TBC1D5: variants seen among roughly 807,000 people sequenced by gnomAD.
TBC1D5 encodes TBC1 domain family member 5.
In TBC1D5, 75 loss-of-function variants were observed where a neutral mutation model predicts 100.3. The ratio of observed to expected loss-of-function variants is 0.75; its 90% CI spans 0.62 to 0.91. TBC1D5 has a LOEUF of 0.91. Among genes scored for constraint, TBC1D5 ranks in the 40% least tolerant of loss-of-function variants. The pLI, the probability that TBC1D5 is intolerant of heterozygous loss-of-function variation, is 0.00. For synonymous variants in TBC1D5, 323 were observed against 325.6 expected (o/e 0.99, Z 0.09); for missense variants, 910 against 942.4 (o/e 0.97, Z 0.45).
chr3:17,175,430 A>G (rs1344728407), intron 19 of TBC1D5, among the ~76,000 whole-genome samples: 1 of 152,218 alleles, frequency 6.6e-6, no homozygotes, highest in African/African-American at 2.4e-5. Context: ...AGTAACATGG[A>G]AGCATGACAC....
At position 17,302,343 on chromosome 3, in the gene TBC1D5, C is replaced by T. The variant is rs570943345; in HGVS notation, c.1138+5649G>A. Among the ~76,000 whole-genome samples the T allele has an allele frequency of 6.6e-5, 10 of 152,246 alleles. No individual in the cohort carries two copies. The South Asian group carries it at 1.9e-3, about 28-fold the overall frequency. ...TGCATGTCTCTTGCCAAATTTCCTTCTTCTTATGAGGACACCAGTCATATT... is the reference window on the plus strand; with the variant it reads ...TGCATGTCTCTTGCCAAATTTCCTTTTTCTTATGAGGACACCAGTCATATT... On this transcript the variant is annotated intron_variant, in intron 14 of 21. Coordinates refer to ENST00000253692, the Ensembl canonical transcript of TBC1D5.
In TBC1D5 at chr3:17,437,860, T is replaced by C. The variant is rs1038383608; in HGVS notation, c.98-9341A>G. ...GCTTCTACTGTACTAAAAGTGACTA[T>C]CTTATTATAGAAGGCAATTTAATTT... On this transcript the variant is annotated intron_variant, in intron 3 of 21. Coordinates refer to ENST00000253692, the Ensembl canonical transcript of TBC1D5. Among the ~76,000 whole-genome samples the C allele has an allele frequency of 1.6e-4, 24 of 152,324 alleles. 1 individual carries two copies. Among genetic ancestry groups the C allele is most frequent in the African/African-American group, 4.6e-4 (19 of 41,576 alleles).
chr3:17,371,198 T>C (rs9868647), intron 13 of TBC1D5, among the ~76,000 whole-genome samples: 117,968 of 151,978 alleles, frequency 0.78, 46,681 homozygotes, highest in African/African-American at 0.94. Context: ...CATTATGGTC[T>C]CTGAGAGGCA....
At chr3:17,337,914 T>C (rs2088199430) in intron 13 of TBC1D5, among the ~76,000 whole-genome samples, 1 of 152,192 alleles carries the variant, frequency 6.6e-6, no homozygotes, top group Non-Finnish European at 1.5e-5. Context: ...AGTGAATAAA[T>C]AATTATCAAT....
chr3:17,210,337 G>A (rs1265902117), intron 18 of TBC1D5, among the ~76,000 whole-genome samples: 1 of 151,834 alleles, frequency 6.6e-6, no homozygotes, highest in South Asian at 2.1e-4. Flanking sequence ...ACAGGCACCC[G>A]CCACCATGCC....
intron 13 of TBC1D5, among the ~76,000 whole-genome samples, chr3:17,341,350 C>T (rs964706803): frequency 2.6e-5 from 4 of 152,138 alleles, no homozygotes; most frequent in African/African-American, 7.2e-5. Context: ...GCGGCCGCCA[C>T]CACGCCCGGC....
intron 2 of TBC1D5, among the ~76,000 whole-genome samples, chr3:17,554,409 G>A (rs1332877593): frequency 6.6e-6 from 1 of 152,164 alleles, no homozygotes; most frequent in African/African-American, 2.4e-5. Context: ...AGCTCTCCTG[G>A]GGTGAAGCTG....
At chr3:17,211,982 C>A (rs1053256928) in intron 18 of TBC1D5, among the ~76,000 whole-genome samples, 1 of 152,116 alleles carries the variant, frequency 6.6e-6, no homozygotes, top group Non-Finnish European at 1.5e-5. Context: ...GGTTAAAACG[C>A]CAGAAGCTGA....
intron 3 of TBC1D5, among the ~76,000 whole-genome samples, chr3:17,484,457 T>G (rs757120230): frequency 2.3e-4 from 12 of 53,220 alleles, no homozygotes; most frequent in East Asian, 6.2e-4. Flanking sequence ...AACACCAGGG[T>G]GTGTGTGTGT....
intron 8 of TBC1D5, among the ~76,000 whole-genome samples, chr3:17,388,883 G>T (rs970267403): frequency 3.3e-5 from 5 of 150,912 alleles, no homozygotes; most frequent in Non-Finnish European, 5.9e-5. Context: ...AACAAACAAA[G>T]AAACAAAAAA....
intron 13 of TBC1D5, among the ~76,000 whole-genome samples, chr3:17,317,811 C>G (rs1023372250): frequency 6.6e-6 from 1 of 152,020 alleles, no homozygotes; most frequent in Admixed American, 6.6e-5. Context: ...TTGTGGAAGT[C>G]GGTGTGGCGA....
chr3:17,177,952 G>A (rs1188227663), intron 19 of TBC1D5, among the ~76,000 whole-genome samples: 1 of 152,032 alleles, frequency 6.6e-6, no homozygotes, highest in Non-Finnish European at 1.5e-5. Context: ...CCTCAAATAA[G>A]AGAGAACATG....
In TBC1D5 at chr3:17,308,170, A is replaced by T. The variant is rs535113487; in HGVS notation, c.996-36T>A. On this transcript the variant is annotated intron_variant, in intron 13 of 21. Transcript: ENST00000253692. ...ACAAAACAAAAATTCAGAAGACAGT[A>T]CTTTTGAGAATAAAGAGTGATCATT... The T allele has an allele frequency of 2.6e-6, 4 of 1,548,226 alleles. No individual in the cohort carries two copies. The South Asian group carries it at 5.0e-5, about 19-fold the overall frequency.
At chr3:17,691,457 A>AT (rs2071146253) in intron 1 of TBC1D5, among the ~76,000 whole-genome samples, 1 of 152,230 alleles carries the variant, frequency 6.6e-6, no homozygotes, top group South Asian at 2.1e-4. Context: ...AATAAATTCC[A>AT]TATTTAAAGC....
At chr3:17,664,391 C>T (rs2067001423) in intron 1 of TBC1D5, among the ~76,000 whole-genome samples, 2 of 152,054 alleles carry the variant, frequency 1.3e-5, no homozygotes, top group South Asian at 4.1e-4. Flanking sequence ...TTTAGAGATA[C>T]CTAATATAAT....
At chr3:17,416,787 G>C (rs1575796272) in intron 4 of TBC1D5, among the ~76,000 whole-genome samples, 1 of 152,158 alleles carries the variant, frequency 6.6e-6, no homozygotes, top group East Asian at 1.9e-4. Flanking sequence ...ACACATACCT[G>C]AAAGTTAGAA....
intron 13 of TBC1D5, among the ~76,000 whole-genome samples, chr3:17,348,622 C>T (rs1157147059): frequency 1.3e-5 from 2 of 152,066 alleles, no homozygotes; most frequent in Non-Finnish European, 2.9e-5. Context: ...GACTCAATTT[C>T]ATTCATGGGG....
At chr3:17,554,669 T>C (rs2096500973) in intron 2 of TBC1D5, among the ~76,000 whole-genome samples, 2 of 152,162 alleles carry the variant, frequency 1.3e-5, no homozygotes. Flanking sequence ...GGGTACTGAG[T>C]AAAAACTTTA....
rs756581316 is a variant in TBC1D5 at position 17,508,556 on chromosome 3, T to C, written c.15A>G (p.Leu5=). ...GCTGCAGAGGATGTCTAGTTTCAGA[T>C]AAGGAATGATACATTGTGGGAACTG... Residue 5 remains leucine (L), a synonymous_variant, in exon 3 of 22, where the codon TTA becomes TTG. Coordinates refer to ENST00000253692, the Ensembl canonical transcript of TBC1D5. 3.3e-4 allele frequency: 532 copies of C among 1,613,268 alleles called. 3 individuals carry two copies. In the Admixed American group the frequency reaches 8.8e-3, roughly 27 times the overall value.
Sources: gnomAD v4.1 joint callset for allele counts (sites outside exome capture counted in the v4.1 genomes callset) on GRCh38, gnomAD v4.1.1 for gene constraint, MANE v1.5 for transcripts, NCBI Gene and HGNC (gene_info 2026-07-23, HGNC 2026-07-21) for gene names.